The following FAR2 variants were observed in gnomAD, a reference collection of about 807,000 sequenced individuals.
The protein encoded by FAR2 is epididymis secretory protein Li 81.
Under a neutral mutation model 56.0 loss-of-function variants are expected in FAR2, and 19 were observed. The observed-to-expected ratio is 0.34, with a 90% CI of 0.24 to 0.50. The LOEUF (loss-of-function observed/expected upper bound fraction) is 0.50. Ranked by LOEUF, FAR2 falls within the 20% of genes least tolerant of loss-of-function variation. The probability of loss-of-function intolerance (pLI) is 0.98; values close to 1 mark genes in which losing one functional copy is unlikely to be tolerated. For synonymous variants in FAR2, 219 were observed against 218.8 expected (o/e 1.00, Z -0.01); for missense variants, 508 against 642.2 (o/e 0.79, Z 2.26).
chr12:29,322,949 C>T (rs968837693), intron 10 of FAR2, among the ~76,000 whole-genome samples: 2 of 152,228 alleles, frequency 1.3e-5, no homozygotes, highest in African/African-American at 4.8e-5. Flanking sequence ...GTCCTGCACC[C>T]ACTGTCCGGC....
chr12:29,200,408 C>T (rs1176765487), intron 1 of FAR2, among the ~76,000 whole-genome samples: 1 of 152,126 alleles, frequency 6.6e-6, no homozygotes, highest in Non-Finnish European at 1.5e-5. Flanking sequence ...GAAAGAGTGG[C>T]ACGGCTGTCA....
intron 4 of FAR2, among the ~76,000 whole-genome samples, chr12:29,302,302 G>A (rs1175116034): frequency 6.7e-6 from 1 of 149,608 alleles, no homozygotes; most frequent in Non-Finnish European, 1.5e-5. Flanking sequence ...CAAAGAGCTC[G>A]TATCCAAGAC....
At chr12:29,218,012 T>C (rs1947642992) in intron 1 of FAR2, among the ~76,000 whole-genome samples, 1 of 141,262 alleles carries the variant, frequency 7.1e-6, no homozygotes, top group African/African-American at 2.9e-5. Flanking sequence ...GGAGGAAGAA[T>C]AAATAATAAA....
At chr12:29,308,168 C>A in intron 5 of FAR2, 1 of 184,340 alleles carries the variant, frequency 5.4e-6, no homozygotes, top group Non-Finnish European at 1.1e-5. Flanking sequence ...TCCTTGATGG[C>A]CAAATTGGTA....
chr12:29,276,223 A>G (rs1174310575), intron 2 of FAR2, among the ~76,000 whole-genome samples: 2 of 152,172 alleles, frequency 1.3e-5, no homozygotes, highest in African/African-American at 2.4e-5. Flanking sequence ...GATTTAAGGT[A>G]TGGCTTTTAC....
chr12:29,184,241 G>A (rs934808020), intron 1 of FAR2, among the ~76,000 whole-genome samples: 5 of 152,086 alleles, frequency 3.3e-5, no homozygotes, highest in African/African-American at 1.2e-4. Context: ...TGAATCTGCA[G>A]TTCTGGGAAA....
intron 1 of FAR2, among the ~76,000 whole-genome samples, chr12:29,250,938 AT>A (rs1336889513): frequency 6.6e-6 from 1 of 152,106 alleles, no homozygotes; most frequent in East Asian, 1.9e-4. Flanking sequence ...AATGGGAGTA[AT>A]TGGATCCTAG....
chr12:29,158,922 A>C (rs1183421697), intron 1 of FAR2, among the ~76,000 whole-genome samples: 1 of 152,230 alleles, frequency 6.6e-6, no homozygotes, highest in African/African-American at 2.4e-5. Context: ...TATGACTGCA[A>C]ATCCCATGAC....
chr12:29,303,660 G>GTCT (rs905678610), intron 4 of FAR2, among the ~76,000 whole-genome samples: 2 of 152,208 alleles, frequency 1.3e-5, no homozygotes, highest in Non-Finnish European at 2.9e-5. Flanking sequence ...TTAGAAAGTA[G>GTCT]TCTTTTTTGC....
At chr12:29,249,963 A>G (rs762819981) in intron 1 of FAR2, among the ~76,000 whole-genome samples, 10 of 152,190 alleles carry the variant, frequency 6.6e-5, no homozygotes, top group Non-Finnish European at 1.5e-4. Flanking sequence ...TTAAAATCTC[A>G]GAAAATGAGA....
At chr12:29,185,087 T>C (rs2136601330) in intron 1 of FAR2, among the ~76,000 whole-genome samples, 1 of 152,354 alleles carries the variant, frequency 6.6e-6, no homozygotes, top group East Asian at 1.9e-4. Flanking sequence ...TATAGTTATT[T>C]TTAAATGTAA....
rs1949553850 is a variant in FAR2 at position 29,321,661 on chromosome 12, GAA to G, written c.1128-133_1128-132del. On this transcript the variant is annotated intron_variant, in intron 9 of 11. Coordinates refer to ENST00000536681, the MANE Select transcript of FAR2 (RefSeq NM_001271783.2). The stretch of plus-strand genomic sequence containing the variant: ...AGAGTTAATGTGGAAGGAGAAAAAA[GAA>G]GAAGAATTTTAATGAGGAGTGGTAG... 7 of 1,026,006 alleles carry G rather than the reference GAA, an allele frequency of 6.8e-6. No homozygotes were observed. In the African/African-American group the frequency reaches 1.1e-4, roughly 16 times the overall value. 63.6% of individuals were successfully genotyped at this position (1,026,006 alleles called of 1,614,324 possible).
chr12:29,168,066 T>C (rs958576682), intron 1 of FAR2, among the ~76,000 whole-genome samples: 34 of 152,164 alleles, frequency 2.2e-4, no homozygotes, highest in African/African-American at 7.7e-4. Context: ...TTACGCAGGA[T>C]TCCAGAAAGT....
chr12:29,333,715 G>C lies in FAR2; in HGVS notation c.1469G>C (p.Arg490Pro). The C allele has an allele frequency of 6.2e-7, 1 of 1,613,710 alleles. No homozygotes were observed. Among genetic ancestry groups the C allele is most frequent in the Non-Finnish European group, 8.5e-7 (1 of 1,179,712 alleles). Reference protein sequence around the residue: ...RLLIARSQMARNVWFFIVSFC... With the variant: ...RLLIARSQMAPNVWFFIVSFC... ...CTCATTGCAAGATCTCAGATGGCTC[G>C]GAATGTCTGGTTCTTCATTGTAAGC... is the stretch of plus-strand genomic sequence containing the variant. The change falls in exon 12 of 12, where the codon CGG (arginine) becomes CCG (proline). Residue 490 changes from arginine (R) to proline (P), a missense_variant. By Grantham distance (103) the Arg-to-Pro change is moderately radical. Transcript: ENST00000536681.
intron 5 of FAR2, among the ~76,000 whole-genome samples, chr12:29,308,705 CACACACACACACACAT>C (rs1283159449): frequency 3.0e-5 from 4 of 132,510 alleles, no homozygotes; most frequent in African/African-American, 1.4e-4. Context: ...CACACACACA[CACACACACACACACAT>C]ATATATATAT....
chr12:29,243,175 T>G (rs1269430940), intron 1 of FAR2, among the ~76,000 whole-genome samples: 2 of 152,162 alleles, frequency 1.3e-5, no homozygotes, highest in Non-Finnish European at 2.9e-5. Flanking sequence ...GGGGATGTAT[T>G]TTTGATTTTC....
At chr12:29,214,619 C>T (rs1478835591) in intron 1 of FAR2, among the ~76,000 whole-genome samples, 2 of 151,816 alleles carry the variant, frequency 1.3e-5, no homozygotes, top group African/African-American at 2.4e-5. Flanking sequence ...GTCAGGAGTT[C>T]GAGACCAGCC....
chr12:29,333,305 C>T (rs529676939), intron 11 of FAR2: 53 of 261,150 alleles, frequency 2.0e-4, no homozygotes, highest in African/African-American at 1.2e-3. Context: ...TTAGAATTTA[C>T]CTTCTAATGA....
At chr12:29,325,362 A>T (rs1949627627) in intron 10 of FAR2, among the ~76,000 whole-genome samples, 1 of 152,174 alleles carries the variant, frequency 6.6e-6, no homozygotes, top group Non-Finnish European at 1.5e-5. Context: ...GTTAACAAGG[A>T]TATCCAGGAA....
Sources: allele counts gnomAD v4.1 joint callset (sites outside exome capture counted in the v4.1 genomes callset), GRCh38; gene constraint gnomAD v4.1.1; transcripts MANE v1.5; gene names NCBI Gene and HGNC (gene_info 2026-07-23, HGNC 2026-07-21).